Variants in GALNT18 observed in about 807,000 individuals in gnomAD.
GALNT18 encodes polypeptide N-acetylgalactosaminyltransferase 18, also known as GalNAc-transferase 18.
Under a neutral mutation model 69.5 loss-of-function variants are expected in GALNT18, and 44 were observed. The observed-to-expected ratio is 0.63, with a 90% CI of 0.50 to 0.81. The LOEUF (loss-of-function observed/expected upper bound fraction) is 0.81. Ranked by LOEUF, GALNT18 falls within the 40% of genes least tolerant of loss-of-function variation. GALNT18 has a pLI of 0.00. For synonymous variants in GALNT18, 364 were observed against 318.2 expected (o/e 1.14, Z -1.53); for missense variants, 715 against 810.0 (o/e 0.88, Z 1.42).
intron 1 of GALNT18, chr11:11,475,285 G>A (rs1463164897): frequency 1.3e-5 from 2 of 152,150 alleles, no homozygotes; most frequent in African/African-American, 4.8e-5. Context: ...TCAAATAGCT[G>A]ATAATTATCA....
intron 6 of GALNT18, among the ~76,000 whole-genome samples, chr11:11,350,703 G>C (rs1032096131): frequency 2.6e-5 from 4 of 152,174 alleles, no homozygotes; most frequent in African/African-American, 9.7e-5. Flanking sequence ...GGGGAAGGCA[G>C]GTGACTATCC....
At chr11:11,344,258 TC>T (rs75057662) in intron 6 of GALNT18, among the ~76,000 whole-genome samples, 144,011 of 151,794 alleles carry the variant, frequency 0.95, 68,746 homozygotes, top group East Asian at 1. Context: ...CTCACATGGG[TC>T]TTTTTCCCCT....
rs372365556 is a variant in GALNT18 at position 11,379,137 on chromosome 11, C to A, written c.723G>T (p.Ala241=). The A allele has an allele frequency of 6.2e-7, 1 of 1,611,060 alleles. No individual in the cohort carries two copies. Among genetic ancestry groups the A allele is most frequent in the African/African-American group, 1.3e-5 (1 of 74,856 alleles). Residue 241 remains alanine (A), a synonymous_variant, in exon 4 of 11, where the codon GCG becomes GCT. Coordinates refer to ENST00000227756, the MANE Select transcript of GALNT18 (RefSeq NM_198516.3). ...LIRSRVSGWR[A]ATAPVVALFD... is the part of the protein sequence containing the mutation. ...AGAGTGCCACCACAGGGGCAGTGGCCGCCCTCCAGCCACTGACCCTGGAGC... is the reference window on the plus strand; with the variant it reads ...AGAGTGCCACCACAGGGGCAGTGGCAGCCCTCCAGCCACTGACCCTGGAGC...
In GALNT18 at chr11:11,390,782, T is replaced by C. The variant is rs570404443; in HGVS notation, c.596-11518A>G. 5.3e-5 allele frequency among the ~76,000 whole-genome samples: 8 copies of C among 152,262 alleles called. No homozygotes were observed. In the South Asian group the frequency reaches 1.7e-3, roughly 32 times the overall value. ...CCAAGTGTTCTCCTGGCCTTCCCGTTTTTCTTTCTTTATTGAAATATGTCA... is the reference window on the plus strand; with the variant it reads ...CCAAGTGTTCTCCTGGCCTTCCCGTCTTTCTTTCTTTATTGAAATATGTCA... On this transcript the variant is annotated intron_variant, in intron 3 of 10. Transcript: ENST00000227756.
intron 10 of GALNT18, among the ~76,000 whole-genome samples, chr11:11,272,378 C>G (rs940930122): frequency 2.0e-5 from 3 of 152,182 alleles, no homozygotes; most frequent in Non-Finnish European, 4.4e-5. Flanking sequence ...TGTGTCAGCT[C>G]CCTAATGGAT....
chr11:11,274,540 G>C (rs1311499691), intron 10 of GALNT18, among the ~76,000 whole-genome samples: 3 of 152,306 alleles, frequency 2.0e-5, no homozygotes, highest in Admixed American at 2.0e-4. Flanking sequence ...GGCCTGAGTA[G>C]GTGGGTTTTT....
intron 9 of GALNT18, among the ~76,000 whole-genome samples, chr11:11,307,374 C>G (rs1849596510): frequency 6.6e-6 from 1 of 152,086 alleles, no homozygotes; most frequent in African/African-American, 2.4e-5. Context: ...TTAATGAGTT[C>G]ACACTATATG....
Position 11,618,336 on chromosome 11 carries a change from C to T in GALNT18, c.235+3023G>A, listed in dbSNP as rs1860107260. 6.6e-6 allele frequency among the ~76,000 whole-genome samples: 1 copy of T among 152,222 alleles called. No homozygotes were observed. Among genetic ancestry groups the T allele is most frequent in the Admixed American group, 6.5e-5 (1 of 15,288 alleles). ...CCATAGGCATCAGCACTCATCCATT[C>T]ATCCACGCTTCCACCCCACAGCTAC... On this transcript the variant is annotated intron_variant, in intron 1 of 10. Transcript: ENST00000227756. This position sits in a 1 kb window ranked among gnomAD's most constrained non-coding sequence, Gnocchi z 6.1.
intron 9 of GALNT18, among the ~76,000 whole-genome samples, chr11:11,302,421 C>G (rs1849513392): frequency 6.6e-6 from 1 of 152,192 alleles, no homozygotes; most frequent in South Asian, 2.1e-4. Flanking sequence ...AGCCCCTCAT[C>G]CAGATTCTTC....
At position 11,382,632 on chromosome 11, in the gene GALNT18, A is replaced by C. The variant is rs1853947830; in HGVS notation, c.596-3368T>G. Among the ~76,000 whole-genome samples the C allele has an allele frequency of 6.6e-6, 1 of 152,198 alleles. No individual in the cohort carries two copies. Among genetic ancestry groups the C allele is most frequent in the South Asian group, 2.1e-4 (1 of 4,830 alleles). On this transcript the variant is annotated intron_variant, in intron 3 of 10. Transcript: ENST00000227756. This position sits in a 1 kb window ranked among gnomAD's most constrained non-coding sequence, Gnocchi z 4.3. ...AGGCTGCCAGGAAGCTCAAAGACAA[A>C]TATAATGACTAATCACAAAGATTTT...
intron 1 of GALNT18, among the ~76,000 whole-genome samples, chr11:11,558,565 G>A (rs76782989): frequency 1.3e-3 from 199 of 152,358 alleles, no homozygotes; most frequent in Non-Finnish European, 2.1e-3. Context: ...CATGCTTGGA[G>A]TCAGGCAGCA....
chr11:11,384,560 G>C (rs1291890162), intron 3 of GALNT18, among the ~76,000 whole-genome samples: 1 of 152,062 alleles, frequency 6.6e-6, no homozygotes, highest in East Asian at 1.9e-4. Context: ...TTTCACACTG[G>C]TAATACCTAA....
chr11:11,533,765 G>A (rs1857709195), intron 1 of GALNT18, among the ~76,000 whole-genome samples: 2 of 152,224 alleles, frequency 1.3e-5, no homozygotes, highest in Admixed American at 1.3e-4. Context: ...CTGCCCTGGT[G>A]CATGTCTGTG....
At chr11:11,344,557 T>C (rs932293978) in intron 6 of GALNT18, among the ~76,000 whole-genome samples, 21 of 152,226 alleles carry the variant, frequency 1.4e-4, no homozygotes, top group African/African-American at 4.8e-4. Flanking sequence ...GTGGGGCATC[T>C]GGGCCAGGTG....
chr11:11,295,072 A>T (rs1046230987), intron 9 of GALNT18, among the ~76,000 whole-genome samples: 2 of 152,200 alleles, frequency 1.3e-5, no homozygotes, highest in Admixed American at 1.3e-4. Context: ...TACTTTTTAA[A>T]CCTGTGTGCT....
At position 11,415,587 on chromosome 11, in the gene GALNT18, C is replaced by T. The variant is rs1854836177; in HGVS notation, c.595+17034G>A. Among the ~76,000 whole-genome samples the T allele has an allele frequency of 6.6e-6, 1 of 152,032 alleles. No homozygotes were observed. The highest frequency in any genetic ancestry group is 1.5e-5 in the Non-Finnish European group (1 of 68,016). On this transcript the variant is annotated intron_variant, in intron 3 of 10. Transcript: ENST00000227756. The surrounding 1 kb of genome is among the most constrained non-coding windows in gnomAD (Gnocchi z 4.1). Reference sequence around the variant, plus strand: ...GGAGCTGGGAAATGTGGGCACAAACCCTAGCTTGGCCACCATCTTGCAGTG... The same window carrying T: ...GGAGCTGGGAAATGTGGGCACAAACTCTAGCTTGGCCACCATCTTGCAGTG...
In GALNT18 at chr11:11,347,947, C is replaced by T. The variant is rs774457394; in HGVS notation, c.1093-6943G>A. ...GCTGGCAGAAGACCAGAAAGTCACTCGCAGAGTGGCTGAACGGTCAGAGAT... is the reference window on the plus strand; with the variant it reads ...GCTGGCAGAAGACCAGAAAGTCACTTGCAGAGTGGCTGAACGGTCAGAGAT... On this transcript the variant is annotated intron_variant, in intron 6 of 10. Coordinates refer to ENST00000227756, the MANE Select transcript of GALNT18 (RefSeq NM_198516.3). The surrounding 1 kb of genome is among the most constrained non-coding windows in gnomAD (Gnocchi z 4.0). Among the ~76,000 whole-genome samples, 30 of 152,262 alleles carry T rather than the reference C, an allele frequency of 2.0e-4. No individual in the cohort carries two copies. The highest frequency in any genetic ancestry group is 7.8e-4 in the Admixed American group (12 of 15,296).
In GALNT18 at chr11:11,351,955, C is replaced by T. The variant is rs549781353; in HGVS notation, c.1093-10951G>A. 8.0e-5 allele frequency: 127 copies of T among 1,594,166 alleles called. 1 individual carries two copies. In the South Asian group the frequency reaches 8.2e-4, roughly 10 times the overall value. Reference sequence around the variant, plus strand: ...GACAGATAGGGCCGTTACTGCTGAGCGCCAGTGGCAGCTGGAACAGGCATC... The same window carrying T: ...GACAGATAGGGCCGTTACTGCTGAGTGCCAGTGGCAGCTGGAACAGGCATC... On this transcript the variant is annotated intron_variant, in intron 6 of 10. Coordinates refer to ENST00000227756, the MANE Select transcript of GALNT18 (RefSeq NM_198516.3).
chr11:11,450,645 C>T (rs1027709102), intron 1 of GALNT18, among the ~76,000 whole-genome samples: 6 of 152,168 alleles, frequency 3.9e-5, no homozygotes, highest in South Asian at 2.1e-4. Context: ...GGTACCTCTC[C>T]GGGCCACGTC....
Sources: allele counts gnomAD v4.1 joint callset (sites outside exome capture counted in the v4.1 genomes callset), GRCh38; gene constraint gnomAD v4.1.1; non-coding constraint Gnocchi (gnomAD v3.1); transcripts MANE v1.5; gene names NCBI Gene and HGNC (gene_info 2026-07-23, HGNC 2026-07-21).